The following SFXN5 variants were observed in gnomAD, a reference collection of about 807,000 sequenced individuals.
SFXN5 encodes the protein sideroflexin 5, also known as sideroflexin-5.
In SFXN5, 43 loss-of-function variants were observed where a neutral mutation model predicts 50.2. That is an observed-to-expected ratio of 0.86 (90% CI 0.67 to 1.11). The LOEUF is 1.11. Among genes scored for constraint, SFXN5 ranks in the 50% least tolerant of loss-of-function variants. The pLI is 0.00. For synonymous variants in SFXN5, 203 were observed against 185.8 expected (o/e 1.09, Z -0.75); for missense variants, 463 against 454.1 (o/e 1.02, Z -0.18).
intron 8 of SFXN5, among the ~76,000 whole-genome samples, chr2:72,999,794 G>A (rs776704498): frequency 4.6e-5 from 7 of 152,146 alleles, no homozygotes; most frequent in Non-Finnish European, 1.0e-4. Context: ...GGCCCCCAAA[G>A]GGGACTTAGA....
chr2:73,021,774 T>C (rs898662756), intron 5 of SFXN5, among the ~76,000 whole-genome samples: 1 of 152,148 alleles, frequency 6.6e-6, no homozygotes, highest in Non-Finnish European at 1.5e-5. Context: ...CCCATTGCAC[T>C]GAGAAATGGC....
intron 10 of SFXN5, among the ~76,000 whole-genome samples, chr2:72,985,530 G>A (rs928352631): frequency 2.2e-5 from 3 of 139,498 alleles, no homozygotes; most frequent in Non-Finnish European, 3.1e-5. Context: ...AGATGAGAGC[G>A]ATGGACATAG....
chr2:72,968,348 TCCTG>T, intron 12 of SFXN5, 96 bp downstream of exon 12: 1 of 1,122,498 alleles, frequency 8.9e-7, no homozygotes, highest in Non-Finnish European at 1.3e-6. Flanking sequence ...GGGGTGGGCT[TCCTG>T]CCACCCCCTC....
chr2:72,959,569 G>T (rs1673477532), intron 13 of SFXN5, among the ~76,000 whole-genome samples: 1 of 151,962 alleles, frequency 6.6e-6, no homozygotes, highest in Non-Finnish European at 1.5e-5. Context: ...AGGAGCCATT[G>T]GAACAACTTC....
At chr2:73,029,567 C>A (rs1678035362) in intron 3 of SFXN5, among the ~76,000 whole-genome samples, 1 of 152,148 alleles carries the variant, frequency 6.6e-6, no homozygotes, top group Non-Finnish European at 1.5e-5. Context: ...TAAGCCAGGG[C>A]CCCAGGGGCT....
chr2:72,983,527 G>A (rs570723048), intron 10 of SFXN5, among the ~76,000 whole-genome samples: 1 of 152,296 alleles, frequency 6.6e-6, no homozygotes, highest in African/African-American at 2.4e-5. Flanking sequence ...GGGCCTAGCT[G>A]GGGGTCTTGA....
intron 13 of SFXN5, among the ~76,000 whole-genome samples, chr2:72,957,852 G>A (rs1461886619): frequency 2.0e-5 from 3 of 152,198 alleles, no homozygotes; most frequent in Non-Finnish European, 4.4e-5. Flanking sequence ...TAGCTGAGGA[G>A]GGAGCTCTGA....
At chr2:73,020,551 C>T (rs1193842273) in intron 5 of SFXN5, among the ~76,000 whole-genome samples, 1 of 152,202 alleles carries the variant, frequency 6.6e-6, no homozygotes, top group Non-Finnish European at 1.5e-5. Context: ...CGACCTGGGG[C>T]ACCACCACTC....
At chr2:73,031,263 C>T (rs982023414) in intron 3 of SFXN5, among the ~76,000 whole-genome samples, 3 of 152,198 alleles carry the variant, frequency 2.0e-5, no homozygotes, top group African/African-American at 7.2e-5. Context: ...CTTTTCCAGG[C>T]CAGTGGCTCC....
At chr2:72,955,285 C>T (rs920735961) in intron 13 of SFXN5, among the ~76,000 whole-genome samples, 1 of 152,104 alleles carries the variant, frequency 6.6e-6, no homozygotes, top group African/African-American at 2.4e-5. Context: ...CGCCCGCCCG[C>T]CGCCCGCCCG....
intron 3 of SFXN5, among the ~76,000 whole-genome samples, chr2:73,028,309 G>A (rs940211747): frequency 2.0e-5 from 3 of 152,160 alleles, no homozygotes; most frequent in Non-Finnish European, 2.9e-5. Context: ...CTGGCGGCCC[G>A]GACCCTCAGC....
intron 2 of SFXN5, among the ~76,000 whole-genome samples, chr2:73,048,920 G>C (rs1680862570): frequency 6.6e-6 from 1 of 152,120 alleles, no homozygotes; most frequent in Non-Finnish European, 1.5e-5. Flanking sequence ...GATACTTTGA[G>C]AGCGAATGAG....
At position 73,040,879 on chromosome 2, in the gene SFXN5, A is replaced by T; in HGVS notation, c.224T>A (p.Leu75Gln). ...QLLEDYKHGT[L>Q]RPGVTNEQLW... ...CTGTTCATTGGTGACCCCCGGGCGC[A>T]GGGTCCCATGCTTATAGTCCTCCAG... Residue 75 changes from leucine (L) to glutamine (Q), a missense_variant, in exon 3 of 14, where the codon CTG (leucine) becomes CAG (glutamine). Coordinates refer to ENST00000272433, the MANE Select transcript of SFXN5 (RefSeq NM_144579.3). 6.2e-7 allele frequency: 1 copy of T among 1,612,766 alleles called. No individual in the cohort carries two copies. The highest frequency in any genetic ancestry group is 8.5e-7 in the Non-Finnish European group (1 of 1,179,494).
At position 73,023,062 on chromosome 2, in the gene SFXN5, G is replaced by C. The variant is rs1042860218; in HGVS notation, c.276+126C>G. 1.6e-5 allele frequency: 14 copies of C among 863,306 alleles called. No individual in the cohort carries two copies. The Admixed American group carries it at 3.1e-4, about 19-fold the overall frequency. 53.5% of individuals were successfully genotyped at this position (863,306 alleles called of 1,614,324 possible). A position where few individuals can be genotyped will look rare whatever the true frequency, so the allele number is the denominator to read the frequency against. ...TCGGGGCAGAAGGAAGGGGTGAGGG[G>C]GCCAAGGGCAAATGTGAGAGCCCGA... On this transcript the variant is annotated intron_variant, in intron 4 of 13. Coordinates refer to ENST00000272433, the MANE Select transcript of SFXN5 (RefSeq NM_144579.3).
chr2:73,055,251 A>C (rs1479620321), intron 2 of SFXN5, among the ~76,000 whole-genome samples: 4 of 152,280 alleles, frequency 2.6e-5, no homozygotes, highest in African/African-American at 2.4e-5. Flanking sequence ...CAAGTTCCCT[A>C]AACTCAAGTT....
intron 2 of SFXN5, 95 bp from the exon 3 acceptor site, chr2:73,041,026 G>GT (rs1679562514): frequency 2.1e-6 from 2 of 947,022 alleles, no homozygotes. Context: ...AATACTGCCA[G>GT]TGCAAGGCTT....
At position 73,013,780 on chromosome 2, in the gene SFXN5, AT is replaced by A. The variant is rs555888202; in HGVS notation, c.357+6458del. Among the ~76,000 whole-genome samples the A allele has an allele frequency of 2.6e-3, 391 of 152,146 alleles. 2 individuals carry two copies. Among genetic ancestry groups the A allele is most frequent in the Non-Finnish European group, 4.7e-3 (320 of 67,944 alleles). On this transcript the variant is annotated intron_variant, in intron 6 of 13. Transcript: ENST00000272433. The stretch of plus-strand genomic sequence containing the variant: ...ATATATGTCCAATCTTATTTCGTCA[AT>A]TTTTTTGTGAAGATGTTTTTAAAAG...
At chr2:73,028,195 C>T (rs1276991272) in intron 3 of SFXN5, among the ~76,000 whole-genome samples, 3 of 152,146 alleles carry the variant, frequency 2.0e-5, no homozygotes, top group Admixed American at 1.3e-4. Context: ...CACCTAATGT[C>T]GTATTTCTCG....
In SFXN5 at chr2:72,953,104, C is replaced by G. The variant is rs1016819484; in HGVS notation, c.946-8005G>C. Among the ~76,000 whole-genome samples the G allele has an allele frequency of 2.0e-5, 3 of 152,152 alleles. No individual in the cohort carries two copies. Among genetic ancestry groups the G allele is most frequent in the Admixed American group, 2.0e-4 (3 of 15,282 alleles). ...TTGCGTGCACGTGTATGTGTGCGAG[C>G]CTGTGTGCACGCGCAGGTTTGGGGT... On this transcript the variant is annotated intron_variant, in intron 13 of 13. Transcript: ENST00000272433. This position sits in a 1 kb window ranked among gnomAD's most constrained non-coding sequence, Gnocchi z 4.1.
Sources: allele counts gnomAD v4.1 joint callset (sites outside exome capture counted in the v4.1 genomes callset), GRCh38; gene constraint gnomAD v4.1.1; non-coding constraint Gnocchi (gnomAD v3.1); transcripts MANE v1.5; gene names NCBI Gene and HGNC (gene_info 2026-07-23, HGNC 2026-07-21).